The following ALX3 variants were observed in gnomAD, a reference collection of about 807,000 sequenced individuals.
ALX3 encodes the protein homeobox protein aristaless-like 3.
Under a neutral mutation model 26.3 loss-of-function variants are expected in ALX3, and 17 were observed. That is an observed-to-expected ratio of 0.65 (90% CI 0.44 to 0.97). ALX3 has a LOEUF of 0.97. ALX3 is among the 50% of genes least tolerant of loss of function. The pLI is 0.00. For missense variants in ALX3, 461 were observed against 466.5 expected, an observed-to-expected ratio of 0.99 and a Z score of 0.11; for synonymous variants, 208 against 201.4, an observed-to-expected ratio of 1.03 and a Z score of -0.28.
intron 2 of ALX3, 94 bp from the exon 3 acceptor site, chr1:110,061,657 G>GA: frequency 6.4e-7 from 1 of 1,551,402 alleles, no homozygotes; most frequent in Non-Finnish European, 8.8e-7. Context: ...CCTCTTGTGG[G>GA]ATGGGGAGCA....
chr1:110,070,627 C>T lies in ALX3; in HGVS notation c.-15G>A, dbSNP rs2101800896. On this transcript the variant is annotated 5_prime_UTR_variant, in exon 1 of 4. Coordinates refer to ENST00000647563, the MANE Select transcript of ALX3 (RefSeq NM_006492.3). ...TCGGGGTCCATGCCGGCTCAGGGCG[C>T]ACAGGCCTCCGGGGCTCCGGGGCTC... 1.6e-6 allele frequency: 2 copies of T among 1,218,780 alleles called. No homozygotes were observed. The highest frequency in any genetic ancestry group is 3.3e-5 in the East Asian group (1 of 29,898). The allele number at this position is 1,218,780 out of a possible 1,614,324, so 75.5% of individuals were successfully genotyped here.
At chr1:110,067,228 G>A (rs1653812233) in intron 1 of ALX3, among the ~76,000 whole-genome samples, 1 of 152,222 alleles carries the variant, frequency 6.6e-6, no homozygotes. Flanking sequence ...ATAGCAGCCA[G>A]CAGCTTGAAC....
rs1653601313 is a variant in ALX3 at position 110,060,373 on chromosome 1, T to C, written c.*360A>G. On this transcript the variant is annotated 3_prime_UTR_variant, in exon 4 of 4. Coordinates refer to ENST00000647563, the MANE Select transcript of ALX3 (RefSeq NM_006492.3). ...AGTCCACGCGGCGTTCTCCTCCCATTTTCCTGGGTTCCCTGAACGATGAGC... is the reference window on the plus strand; with the variant it reads ...AGTCCACGCGGCGTTCTCCTCCCATCTTCCTGGGTTCCCTGAACGATGAGC... 6.0e-6 allele frequency: 1 copy of C among 165,900 alleles called. No homozygotes were observed. The highest frequency in any genetic ancestry group is 2.0e-4 in the South Asian group (1 of 5,106). 10.3% of individuals were successfully genotyped at this position (165,900 alleles called of 1,614,324 possible).
Position 110,060,657 on chromosome 1 carries a change from G to GAGCCAGAGGTGCTTCCTCCGTGGTGTCC in ALX3, c.*75_*76insGGACACCACGGAGGAAGCACCTCTGGCT. 5 of 301,246 alleles carry GAGCCAGAGGTGCTTCCTCCGTGGTGTCC rather than the reference G, an allele frequency of 1.7e-5. No homozygotes were observed. In the South Asian group the frequency reaches 5.4e-4, roughly 32 times the overall value. 18.7% of individuals were successfully genotyped at this position (301,246 alleles called of 1,614,324 possible). ...AGCCTCCAGAACCATCTGGGGCTTG[G>GAGCCAGAGGTGCTTCCTCCGTGGTGTCC]AGGCAGAGGTGGGCTGGGAGCGACT... is the stretch of plus-strand genomic sequence containing the variant. On this transcript the variant is annotated 3_prime_UTR_variant, in exon 4 of 4. Transcript: ENST00000647563.
intron 1 of ALX3, among the ~76,000 whole-genome samples, chr1:110,068,159 C>T (rs1205411306): frequency 2.6e-5 from 4 of 152,240 alleles, no homozygotes; most frequent in African/African-American, 9.6e-5. Flanking sequence ...GAGCGAGGTG[C>T]GCCAGGCTCT....
chr1:110,067,384 C>T (rs923264942), intron 1 of ALX3, among the ~76,000 whole-genome samples: 1 of 152,194 alleles, frequency 6.6e-6, no homozygotes, highest in South Asian at 2.1e-4. Flanking sequence ...CCTGAGACAA[C>T]GCTGGGGTGT....
At chr1:110,061,940 C>G (rs2101795135) in intron 2 of ALX3, 1 of 240,116 alleles carries the variant, frequency 4.2e-6, no homozygotes, top group Admixed American at 5.0e-5. Context: ...GCCTCATCTC[C>G]TTTTCCAGGC....
At position 110,064,619 on chromosome 1, in the gene ALX3, G is replaced by C; in HGVS notation, c.562C>G (p.Leu188Val). 1.2e-6 allele frequency: 2 copies of C among 1,614,136 alleles called. No homozygotes were observed. The highest frequency in any genetic ancestry group is 1.7e-6 in the Non-Finnish European group (2 of 1,180,050). Reference sequence around the variant, plus strand: ...CGGGCCTCAGTCAGGTCTGTGCGCAGGGCCAGCTGCTCCCGGGCATACACA... The same window carrying C: ...CGGGCCTCAGTCAGGTCTGTGCGCACGGCCAGCTGCTCCCGGGCATACACA... ...PDVYAREQLA[L>V]RTDLTEARVQ... Residue 188 changes from leucine (L) to valine (V), a missense_variant, in exon 2 of 4, where the codon CTG becomes GTG. By Grantham distance (32) the Leu-to-Val change is conservative (BLOSUM62 1). This residue lies in a region of ALX3 where 51 missense variants were observed against 82.4 expected (regional missense o/e 0.62). Coordinates refer to ENST00000647563, the MANE Select transcript of ALX3 (RefSeq NM_006492.3).
rs1293427085 is a variant in ALX3, at chr1:110,064,609, T to C, written c.572A>G (p.Asp191Gly). The C allele has an allele frequency of 3.1e-6, 5 of 1,613,972 alleles. No individual in the cohort carries two copies. In the Admixed American group the frequency reaches 8.3e-5, roughly 27 times the overall value. The change falls in exon 2 of 4, where the codon GAC (aspartate) becomes GGC (glycine). Residue 191 changes from aspartate to glycine, a missense_variant. By Grantham distance (94) the Asp-to-Gly change is moderately conservative. This residue lies in a region of ALX3 where 51 missense variants were observed against 82.4 expected (regional missense o/e 0.62). Coordinates refer to ENST00000647563, the MANE Select transcript of ALX3 (RefSeq NM_006492.3). ...CACCTGTACCCGGGCCTCAGTCAGG[T>C]CTGTGCGCAGGGCCAGCTGCTCCCG... is the stretch of plus-strand genomic sequence containing the variant. Reference protein sequence around the residue: ...YAREQLALRTDLTEARVQVWF... With the variant: ...YAREQLALRTGLTEARVQVWF...
chr1:110,064,596 G>C lies in ALX3; in HGVS notation c.585C>G (p.Ala195=), dbSNP rs1653733724. 1 of 1,614,040 alleles carries C rather than the reference G, an allele frequency of 6.2e-7. No individual in the cohort carries two copies. Among genetic ancestry groups the C allele is most frequent in the African/African-American group, 1.3e-5 (1 of 75,062 alleles). ...QLALRTDLTE[A]RVQVWFQNRR... ...CTTGCAGTGCCCTCACCTGTACCCG[G>C]GCCTCAGTCAGGTCTGTGCGCAGGG... Residue 195 remains alanine (A), a synonymous_variant, in exon 2 of 4, where the codon GCC becomes GCG. Coordinates refer to ENST00000647563, the MANE Select transcript of ALX3 (RefSeq NM_006492.3).
rs767866679 is a variant in ALX3 at position 110,064,671 on chromosome 1, C to A, written c.510G>T (p.Lys170Asn). 1.2e-6 allele frequency: 2 copies of A among 1,614,116 alleles called. No homozygotes were observed. Among genetic ancestry groups the A allele is most frequent in the Non-Finnish European group, 1.7e-6 (2 of 1,180,054 alleles). ...FSTFQLEELE[K>N]VFQKTHYPDV... Reference sequence around the variant, plus strand: ...CAGGATAGTGGGTTTTCTGGAAGACCTTCTCCAGCTCCTCCAGCTGGAATG... The same window carrying A: ...CAGGATAGTGGGTTTTCTGGAAGACATTCTCCAGCTCCTCCAGCTGGAATG... The change falls in exon 2 of 4, where the codon AAG becomes AAT. Residue 170 changes from lysine to asparagine, a missense_variant. Transcript: ENST00000647563.
chr1:110,062,637 G>GCGCGCGCGCGCGCGCGC (rs1557802194), intron 2 of ALX3: 4 of 1,924 alleles, frequency 2.1e-3, no homozygotes, highest in African/African-American at 4.6e-3. Context: ...GTGTGTGTGT[G>GCGCGCGCGCGCGCGCGC]TGTGTGTGGA....
At chr1:110,069,503 A>C (rs532101942) in intron 1 of ALX3, among the ~76,000 whole-genome samples, 1 of 152,166 alleles carries the variant, frequency 6.6e-6, no homozygotes, top group South Asian at 2.1e-4. Context: ...CTTCAGGCGC[A>C]TTCTCGGATG....
chr1:110,070,271 T>C (rs912595540), intron 1 of ALX3, 65 bp downstream of exon 1: 2 of 1,275,834 alleles, frequency 1.6e-6, no homozygotes, highest in African/African-American at 3.0e-5. Context: ...AAGGCCCGGG[T>C]GGGCCCGGGT....
At chr1:110,063,374 T>C (rs1457681509) in intron 2 of ALX3, among the ~76,000 whole-genome samples, 2 of 152,152 alleles carry the variant, frequency 1.3e-5, no homozygotes, top group African/African-American at 4.8e-5. Context: ...GAAGTCTGTT[T>C]TGGCTCCTCG....
intron 1 of ALX3, among the ~76,000 whole-genome samples, chr1:110,069,185 C>G (rs1406470872): frequency 5.3e-5 from 8 of 152,258 alleles, no homozygotes; most frequent in African/African-American, 1.9e-4. Flanking sequence ...GGCACAGACA[C>G]GAAGCTCCGC....
chr1:110,060,953 A>G lies in ALX3; in HGVS notation c.812T>C (p.Met271Thr), dbSNP rs1570935942. ...VSPEGIPSPC[M>T]SPYSHPHGSV... ...CCCATGGGGGTGGGAATATGGAGAC[A>G]TGCATGGGGAGGGGATGCCCTCTGG... The change falls in exon 4 of 4, where the codon ATG becomes ACG. Residue 271 changes from methionine (M) to threonine (T), a missense_variant. Transcript: ENST00000647563. 6.2e-7 allele frequency: 1 copy of G among 1,613,106 alleles called. No homozygotes were observed. Among genetic ancestry groups the G allele is most frequent in the Non-Finnish European group, 8.5e-7 (1 of 1,179,720 alleles).
At chr1:110,067,966 TA>T (rs1400949861) in intron 1 of ALX3, among the ~76,000 whole-genome samples, 2 of 151,994 alleles carry the variant, frequency 1.3e-5, no homozygotes, top group African/African-American at 4.8e-5. Flanking sequence ...AAAACTCTAG[TA>T]GGAGTCTCTT....
intron 3 of ALX3, 101 bp downstream of exon 3, chr1:110,061,334 T>C: frequency 6.4e-7 from 1 of 1,567,032 alleles, no homozygotes; most frequent in Non-Finnish European, 8.8e-7. Flanking sequence ...GTACCCACTG[T>C]CATACAGAAC....
Sources: allele counts gnomAD v4.1 joint callset (sites outside exome capture counted in the v4.1 genomes callset), GRCh38; gene constraint gnomAD v4.1.1; regional missense constraint gnomAD v4.1.1; transcripts MANE v1.5; gene names NCBI Gene and HGNC (gene_info 2026-07-23, HGNC 2026-07-21).